Variants in SPRING1 observed in about 807,000 individuals in gnomAD.
SPRING1 encodes SREBF pathway regulator in golgi 1.
In SPRING1, 14 loss-of-function variants were observed where a neutral mutation model predicts 24.7. The observed-to-expected ratio is 0.57, with a 90% confidence interval of 0.37 to 0.88. The LOEUF (loss-of-function observed/expected upper bound fraction) is 0.88, where lower values mean the gene tolerates loss of function less well. SPRING1 is among the 40% of genes least tolerant of loss of function. SPRING1 has a pLI of 0.00. For missense variants in SPRING1, 255 were observed against 268.4 expected (o/e 0.95, Z 0.35); for synonymous variants, 93 against 106.1 (o/e 0.88, Z 0.76).
At chr12:116,737,532 G>GA (rs1468606932) in intron 1 of SPRING1, among the ~76,000 whole-genome samples, 2 of 5,804 alleles carry the variant, frequency 3.4e-4, no homozygotes, top group East Asian at 0.029. Context: ...AAGGAAGGAG[G>GA]AGGAAGGTGA....
chr12:116,737,682 G>C (rs895553503), intron 1 of SPRING1, 108 bp downstream of exon 1: 1 of 1,265,128 alleles, frequency 7.9e-7, no homozygotes, highest in Non-Finnish European at 1.0e-6. Flanking sequence ...GGAAGACAGG[G>C]AGGAAGGAAA....
chr12:116,737,912 C>G lies in SPRING1; in HGVS notation c.-12G>C. ...GCCAGGTTCACCATCCCGGCGCGGA[C>G]GTGGGGCGCGGCGGCCGGGGCGCGG... On this transcript the variant is annotated 5_prime_UTR_variant, in exon 1 of 5. Transcript: ENST00000261318. The G allele has an allele frequency of 6.6e-7, 1 of 1,519,770 alleles. No homozygotes were observed. The highest frequency in any genetic ancestry group is 8.8e-7 in the Non-Finnish European group (1 of 1,135,966). The allele number at this position is 1,519,770 out of a possible 1,614,324, so 94.1% of individuals were successfully genotyped here.
At chr12:116,737,410 G>A (rs923350266) in intron 1 of SPRING1, among the ~76,000 whole-genome samples, 14 of 151,364 alleles carry the variant, frequency 9.2e-5, no homozygotes, top group Non-Finnish European at 5.9e-5. Flanking sequence ...GGGAGAGGGG[G>A]ACAGAAAGGA....
chr12:116,734,702 T>C (rs150390791), intron 1 of SPRING1, among the ~76,000 whole-genome samples: 10 of 152,244 alleles, frequency 6.6e-5, no homozygotes, highest in African/African-American at 1.9e-4. Context: ...AGCAAGTAAA[T>C]GAACAAGAAA....
chr12:116,732,293 C>T (rs978978869), intron 1 of SPRING1, among the ~76,000 whole-genome samples: 1 of 152,148 alleles, frequency 6.6e-6, no homozygotes, highest in African/African-American at 2.4e-5. Context: ...TTAAAAATAC[C>T]GGCCAGGCAC....
chr12:116,726,205 G>A (rs549362230), intron 1 of SPRING1, among the ~76,000 whole-genome samples: 2 of 152,240 alleles, frequency 1.3e-5, no homozygotes, highest in South Asian at 2.1e-4. Context: ...ATCCTCTATA[G>A]ATCAATATTA....
Position 116,728,782 on chromosome 12 carries a change from G to A in SPRING1, c.112-5559C>T, listed in dbSNP as rs1370173815. 6.6e-6 allele frequency among the ~76,000 whole-genome samples: 1 copy of A among 152,194 alleles called. No individual in the cohort carries two copies. The highest frequency in any genetic ancestry group is 1.5e-5 in the Non-Finnish European group (1 of 68,026). On this transcript the variant is annotated intron_variant, in intron 1 of 4. Coordinates refer to ENST00000261318, the MANE Select transcript of SPRING1 (RefSeq NM_024738.4). This position sits in a 1 kb window ranked among gnomAD's most constrained non-coding sequence, Gnocchi z 4.2. ...AACCCCAACTCCCTCAAGGCCCACA[G>A]CTAGGGAGTGGAAGACCACCCAAAC...
At chr12:116,736,403 CAT>C (rs892976808) in intron 1 of SPRING1, among the ~76,000 whole-genome samples, 6 of 152,186 alleles carry the variant, frequency 3.9e-5, no homozygotes, top group Admixed American at 1.3e-4. Context: ...CTGGTAGTCA[CAT>C]GATTGCCCAG....
chr12:116,737,626 AAGG>A (rs1871329255), intron 1 of SPRING1, among the ~76,000 whole-genome samples, 161 bp downstream of exon 1: 1 of 143,860 alleles, frequency 7.0e-6, no homozygotes, highest in Admixed American at 6.9e-5. Flanking sequence ...GAAGGGAAGG[AAGG>A]AGGAAGGAAG....
Position 116,737,862 on chromosome 12 carries a change from C to T in SPRING1, c.39G>A (p.Leu13=), listed in dbSNP as rs773608148. The T allele has an allele frequency of 6.3e-7, 1 of 1,582,150 alleles. No homozygotes were observed. Reference sequence around the variant, plus strand: ...CCAGGGCGAGCACCCACCTCTTCCGCAGAAGCCGGCGCCACACCATGGCCG... The same window carrying T: ...CCAGGGCGAGCACCCACCTCTTCCGTAGAAGCCGGCGCCACACCATGGCCG... ...NLAAMVWRRL[L]RKRWVLALVF... is the part of the protein sequence containing the mutation. The change falls in exon 1 of 5, where the codon CTG becomes CTA. Residue 13 remains leucine (L), a synonymous_variant. Coordinates refer to ENST00000261318, the MANE Select transcript of SPRING1 (RefSeq NM_024738.4).
At chr12:116,732,779 T>G (rs1043475114) in intron 1 of SPRING1, among the ~76,000 whole-genome samples, 5 of 152,198 alleles carry the variant, frequency 3.3e-5, no homozygotes, top group African/African-American at 1.2e-4. Context: ...TGTTACCCAT[T>G]TCATCTCTAT....
intron 4 of SPRING1, among the ~76,000 whole-genome samples, chr12:116,718,888 C>G (rs1870279153): frequency 6.6e-6 from 1 of 152,192 alleles, no homozygotes; most frequent in Non-Finnish European, 1.5e-5. Context: ...TCATTATAAT[C>G]CCTGAAACAT....
intron 1 of SPRING1, among the ~76,000 whole-genome samples, chr12:116,725,872 T>G (rs374102895): frequency 1.3e-5 from 2 of 150,798 alleles, no homozygotes; most frequent in African/African-American, 4.9e-5. Context: ...GGCGACAAAG[T>G]GAGACTCCGT....
chr12:116,729,138 CT>C (rs1305626626), intron 1 of SPRING1, among the ~76,000 whole-genome samples: 1 of 151,830 alleles, frequency 6.6e-6, no homozygotes, highest in East Asian at 1.9e-4. Context: ...TTCTGCAAAC[CT>C]TTTTAATGTC....
chr12:116,713,940 A>T lies in SPRING1; in HGVS notation c.*3870T>A, dbSNP rs1036090248. On this transcript the variant is annotated 3_prime_UTR_variant, in exon 5 of 5. Transcript: ENST00000261318. ...ATTATCTGAAATATCGTATCTTTAA[A>T]AACAGTAACAACAATAGTAACAAGA... is the stretch of plus-strand genomic sequence containing the variant. The T allele has an allele frequency of 6.6e-6, 1 of 152,194 alleles. No homozygotes were observed. Among genetic ancestry groups the T allele is most frequent in the Non-Finnish European group, 1.5e-5 (1 of 68,042 alleles). The allele number at this position is 152,194 out of a possible 1,614,324, so 9.4% of individuals were successfully genotyped here.
rs915074841 is a variant in SPRING1, at chr12:116,711,052, A to G, written c.*6758T>C. On this transcript the variant is annotated 3_prime_UTR_variant, in exon 5 of 5. Coordinates refer to ENST00000261318, the MANE Select transcript of SPRING1 (RefSeq NM_024738.4). ...ACGCACACACAGAGCCAATGTATGG[A>G]AACATCCCTGAGAATATATAATGTC... 1 of 137,682 alleles carries G rather than the reference A, an allele frequency of 7.3e-6. No individual in the cohort carries two copies. The highest frequency in any genetic ancestry group is 2.6e-5 in the African/African-American group (1 of 38,534). The allele number at this position is 137,682 out of a possible 1,614,324, so 8.5% of individuals were successfully genotyped here. A position where few individuals can be genotyped will look rare whatever the true frequency, so the allele number is the denominator to read the frequency against.
In SPRING1 at chr12:116,737,901, C is replaced by T. The variant is rs752796355; in HGVS notation, c.-1G>A. On this transcript the variant is annotated 5_prime_UTR_variant, in exon 1 of 5. Coordinates refer to ENST00000261318, the MANE Select transcript of SPRING1 (RefSeq NM_024738.4). ...ACACCATGGCCGCCAGGTTCACCATCCCGGCGCGGACGTGGGGCGCGGCGG... is the reference window on the plus strand; with the variant it reads ...ACACCATGGCCGCCAGGTTCACCATTCCGGCGCGGACGTGGGGCGCGGCGG... The T allele has an allele frequency of 6.4e-7, 1 of 1,553,622 alleles. No individual in the cohort carries two copies. The highest frequency in any genetic ancestry group is 8.7e-7 in the Non-Finnish European group (1 of 1,151,468).
chr12:116,720,631 T>G lies in SPRING1; in HGVS notation c.269-184A>C, dbSNP rs1429176998. 6.7e-6 allele frequency among the ~76,000 whole-genome samples: 1 copy of G among 148,206 alleles called. No homozygotes were observed. The highest frequency in any genetic ancestry group is 6.7e-5 in the Admixed American group (1 of 14,838). ...GGGCTTACTTTCCCCAGGCAGTCGT[T>G]TCCAGGAAGCAGGCACTCCCCTGTT... On this transcript the variant is annotated intron_variant, in intron 2 of 4. Coordinates refer to ENST00000261318, the MANE Select transcript of SPRING1 (RefSeq NM_024738.4). This position sits in a 1 kb window ranked among gnomAD's most constrained non-coding sequence, Gnocchi z 4.0.
chr12:116,722,988 T>TA (rs1444701296), intron 2 of SPRING1, 79 bp downstream of exon 2: 59 of 1,555,838 alleles, frequency 3.8e-5, no homozygotes, highest in Non-Finnish European at 4.7e-5. Context: ...GAGGAATCCC[T>TA]ATTCAAACAA....
Sources: gnomAD v4.1 joint callset for allele counts (sites outside exome capture counted in the v4.1 genomes callset) on GRCh38, gnomAD v4.1.1 for gene constraint, Gnocchi (gnomAD v3.1) non-coding constraint, MANE v1.5 for transcripts, NCBI Gene and HGNC (gene_info 2026-07-23, HGNC 2026-07-21) for gene names.